Variants in BNC2 observed in about 807,000 individuals in gnomAD.
The protein encoded by BNC2 is basonuclin zinc finger protein 2.
BNC2 carries 20 observed loss-of-function variants against 76.3 expected under a neutral mutation model. That is an observed-to-expected ratio of 0.26 (90% CI 0.18 to 0.38). The LOEUF (loss-of-function observed/expected upper bound fraction) is 0.38. Ranked by LOEUF, BNC2 falls within the 10% of genes least tolerant of loss-of-function variation. The pLI, the probability that BNC2 is intolerant of heterozygous loss-of-function variation, is 1.00. For synonymous variants in BNC2, 582 were observed against 514.8 expected (o/e 1.13, Z -1.77); for missense variants, 1,382 against 1,399.8 (o/e 0.99, Z 0.20).
Position 16,779,842 on chromosome 9 carries a change from G to A in BNC2, c.4-41357C>T, listed in dbSNP as rs1293972206. On this transcript the variant is annotated intron_variant, in intron 1 of 6. Transcript: ENST00000380672. Reference sequence around the variant, plus strand: ...GGCTGGAGGAATGGCAGTGTTGTGGGGGGGCCAGGAAGGTGAAAGCTAAAG... The same window carrying A: ...GGCTGGAGGAATGGCAGTGTTGTGGAGGGGCCAGGAAGGTGAAAGCTAAAG... Among the ~76,000 whole-genome samples the A allele has an allele frequency of 2.0e-5, 3 of 152,276 alleles. No individual in the cohort carries two copies. The East Asian group carries it at 5.8e-4, about 29-fold the overall frequency.
At position 16,434,345 on chromosome 9, in the gene BNC2, C is replaced by G. The variant is rs76412072; in HGVS notation, c.2639+1210G>C. The stretch of plus-strand genomic sequence containing the variant: ...AGTGGTACTTTTAATGTTACTTTGC[C>G]AAAGAACTCTACACAATTGACAAGC... On this transcript the variant is annotated intron_variant, in intron 6 of 6. Transcript: ENST00000380672. 4.1e-3 allele frequency among the ~76,000 whole-genome samples: 626 copies of G among 152,204 alleles called. 1 individual carries two copies. Among genetic ancestry groups the G allele is most frequent in the Middle Eastern group, 0.02 (6 of 294 alleles).
rs1821035749 is a variant in BNC2 at position 16,437,178 on chromosome 9, G to A, written c.1016C>T (p.Pro339Leu). 6.2e-7 allele frequency: 1 copy of A among 1,614,024 alleles called. No homozygotes were observed. Among genetic ancestry groups the A allele is most frequent in the Non-Finnish European group, 8.5e-7 (1 of 1,180,024 alleles). Residue 339 changes from proline (P) to leucine (L), a missense_variant, in exon 6 of 7, where the codon CCT becomes CTT. By Grantham distance (98) the Pro-to-Leu change is moderately conservative. This residue lies in a region of BNC2 where 557 missense variants were observed against 540.9 expected (regional missense o/e 1.03). Coordinates refer to ENST00000380672, the MANE Select transcript of BNC2 (RefSeq NM_017637.6). ...TTGCTCTAACAGTAGCCCATTTGGA[G>A]GCAACCCTAGCAGTGGTGCTGAGAC... Reference protein sequence around the residue: ...NPVSAPLLGLPPNGLLLEQPG... With the variant: ...NPVSAPLLGLLPNGLLLEQPG...
intron 5 of BNC2, among the ~76,000 whole-genome samples, chr9:16,455,789 T>C (rs1174850785): frequency 1.7e-5 from 2 of 115,866 alleles, no homozygotes; most frequent in African/African-American, 8.1e-5. Flanking sequence ...CAAAACTCCA[T>C]CTCCAAAAAA....
chr9:16,788,512 C>T (rs1449965784), intron 1 of BNC2, among the ~76,000 whole-genome samples: 3 of 147,050 alleles, frequency 2.0e-5, no homozygotes, highest in African/African-American at 5.1e-5. Context: ...GAGATGACGC[C>T]ACTGCACTCC....
chr9:16,438,571 A>T (rs907372883), intron 5 of BNC2, among the ~76,000 whole-genome samples: 2 of 152,144 alleles, frequency 1.3e-5, no homozygotes, highest in Non-Finnish European at 2.9e-5. Context: ...ATCTATTCAA[A>T]CACTTAAATA....
At chr9:16,617,189 G>T (rs896545102) in intron 3 of BNC2, among the ~76,000 whole-genome samples, 1 of 152,058 alleles carries the variant, frequency 6.6e-6, no homozygotes, top group Non-Finnish European at 1.5e-5. Context: ...CCGTGGCCCT[G>T]CAATCAAAAT....
intron 3 of BNC2, among the ~76,000 whole-genome samples, chr9:16,664,783 C>T (rs1411004564): frequency 2.0e-5 from 3 of 152,034 alleles, no homozygotes; most frequent in Non-Finnish European, 4.4e-5. Flanking sequence ...TTTTGTTGTC[C>T]TCAGCTGAAA....
rs753276488 is a variant in BNC2, at chr9:16,419,318, C to A, written c.2971G>T (p.Asp991Tyr). The change falls in exon 7 of 7, where the codon GAT (aspartate) becomes TAT (tyrosine). Residue 991 changes from aspartate to tyrosine, a missense_variant. Transcript: ENST00000380672. ...CTGTCACTCGCCCCGTCAATGTCAT[C>A]GAGAAGAATCCCCTCATCGCTGCCT... ...DAGSDEGILL[D>Y]DIDGASDSGE... 3 of 1,613,432 alleles carry A rather than the reference C, an allele frequency of 1.9e-6. No homozygotes were observed. The highest frequency in any genetic ancestry group is 1.7e-5 in the Admixed American group (1 of 59,980).
At chr9:16,825,310 A>G (rs1247044199) in intron 1 of BNC2, among the ~76,000 whole-genome samples, 1 of 152,144 alleles carries the variant, frequency 6.6e-6, no homozygotes, top group African/African-American at 2.4e-5. Context: ...ATCAAAATTT[A>G]TTTCAGTACA....
intron 5 of BNC2, among the ~76,000 whole-genome samples, chr9:16,518,272 A>T (rs1371104144): frequency 6.6e-6 from 1 of 152,016 alleles, no homozygotes; most frequent in African/African-American, 2.4e-5. Context: ...TATTAAACAT[A>T]AAAAATACAA....
At chr9:16,813,439 G>C (rs1414226981) in intron 1 of BNC2, among the ~76,000 whole-genome samples, 1 of 151,764 alleles carries the variant, frequency 6.6e-6, no homozygotes, top group Non-Finnish European at 1.5e-5. Flanking sequence ...CTAATTTTTT[G>C]TATTTTTAGT....
intron 3 of BNC2, among the ~76,000 whole-genome samples, chr9:16,683,497 C>T (rs1346771747): frequency 6.6e-6 from 1 of 152,098 alleles, no homozygotes; most frequent in Non-Finnish European, 1.5e-5. Context: ...GGGGCAAAGC[C>T]TATGATACAA....
chr9:16,704,976 C>G (rs1406279580), intron 3 of BNC2: 3 of 152,276 alleles, frequency 2.0e-5, no homozygotes, highest in African/African-American at 7.2e-5. Flanking sequence ...GTCATATTTT[C>G]TTCAGCTGTT....
intron 1 of BNC2, among the ~76,000 whole-genome samples, chr9:16,833,633 TG>T (rs1444353742): frequency 6.6e-6 from 1 of 152,204 alleles, no homozygotes; most frequent in African/African-American, 2.4e-5. Context: ...TGGGAATTGC[TG>T]GTTATTTGGC....
At chr9:16,640,724 C>A (rs372209192) in intron 3 of BNC2, among the ~76,000 whole-genome samples, 2 of 152,194 alleles carry the variant, frequency 1.3e-5, no homozygotes, top group South Asian at 4.2e-4. Flanking sequence ...CAGAAATACC[C>A]CAACAGGAGG....
At chr9:16,479,086 T>C (rs1821988994) in intron 5 of BNC2, among the ~76,000 whole-genome samples, 1 of 151,816 alleles carries the variant, frequency 6.6e-6, no homozygotes, top group African/African-American at 2.4e-5. Context: ...ACCCTGTCTC[T>C]ACCAAAAAAA....
chr9:16,625,690 C>G (rs1820974908), intron 3 of BNC2: 1 of 152,242 alleles, frequency 6.6e-6, no homozygotes, highest in Non-Finnish European at 1.5e-5. Flanking sequence ...TAGTGGGATA[C>G]TTTCCTTTCT....
At chr9:16,789,227 G>A (rs1817433684) in intron 1 of BNC2, among the ~76,000 whole-genome samples, 1 of 152,002 alleles carries the variant, frequency 6.6e-6, no homozygotes. Flanking sequence ...GGGGGTGGGA[G>A]GAGTTAGTCA....
chr9:16,567,337 A>C (rs1234929618), intron 4 of BNC2, among the ~76,000 whole-genome samples: 1 of 145,378 alleles, frequency 6.9e-6, no homozygotes, highest in Non-Finnish European at 1.5e-5. Context: ...TGTACTTTTA[A>C]CTATACTGCT....
Sources: gnomAD v4.1 joint callset for allele counts (sites outside exome capture counted in the v4.1 genomes callset) on GRCh38, gnomAD v4.1.1 for gene constraint, gnomAD v4.1.1 regional missense constraint, MANE v1.5 for transcripts, NCBI Gene and HGNC (gene_info 2026-07-23, HGNC 2026-07-21) for gene names.